Variants in USP1 observed in about 807,000 individuals in gnomAD.
USP1 encodes the protein ubiquitin carboxyl-terminal hydrolase 1.
USP1 carries 18 observed loss-of-function variants against 72.2 expected under a neutral mutation model. That is an observed-to-expected ratio of 0.25 (90% CI 0.17 to 0.37). USP1 has a LOEUF of 0.37. USP1 is among the 10% of genes least tolerant of loss of function. The probability of loss-of-function intolerance (pLI) is 1.00; values close to 1 mark genes in which losing one functional copy is unlikely to be tolerated. For missense variants in USP1, 759 were observed against 884.9 expected (o/e 0.86, Z 1.81); for synonymous variants, 354 against 303.7 (o/e 1.17, Z -1.72).
chr1:62,444,669 T>C, intron 5 of USP1, 69 bp from the exon 6 acceptor site: 1 of 1,187,388 alleles, frequency 8.4e-7, no homozygotes. Context: ...CATGAATTAA[T>C]TTCTATATAG....
Position 62,439,799 on chromosome 1 carries a change from A to G in USP1, c.-69A>G, listed in dbSNP as rs566086168. The G allele has an allele frequency of 1.0e-5, 13 of 1,257,192 alleles. No homozygotes were observed. In the Admixed American group the frequency reaches 1.9e-4, roughly 18 times the overall value. The allele number at this position is 1,257,192 out of a possible 1,614,324, so 77.9% of individuals were successfully genotyped here. On this transcript the variant is annotated splice_region_variant and 5_prime_UTR_variant, in exon 2 of 9. Coordinates refer to ENST00000339950, the MANE Select transcript of USP1 (RefSeq NM_003368.5). ...ATGAAACTTTCTCTGTGATTAACAGATATAATTGGTGATTACAACTTTCCT... is the reference window on the plus strand; with the variant it reads ...ATGAAACTTTCTCTGTGATTAACAGGTATAATTGGTGATTACAACTTTCCT...
chr1:62,450,490 A>G lies in USP1; in HGVS notation c.1867A>G (p.Lys623Glu). The G allele has an allele frequency of 6.2e-7, 1 of 1,614,158 alleles. No homozygotes were observed. Among genetic ancestry groups the G allele is most frequent in the South Asian group, 1.1e-5 (1 of 91,082 alleles). ...FVVDQMCEIGKPEPLNEEEAR... is the reference protein window; with the variant it reads ...FVVDQMCEIGEPEPLNEEEAR... ...GGTTGACCAAATGTGTGAAATAGGT[A>G]AGCCAGAACCATTGAATGAGGAGGA... Residue 623 changes from lysine to glutamate, a missense_variant, in exon 9 of 9, where the codon AAG becomes GAG. Lys to Glu is a moderately conservative substitution (Grantham distance 56, BLOSUM62 1). Transcript: ENST00000339950.
In USP1 at chr1:62,446,497, G is replaced by A. The variant is rs550229282; in HGVS notation, c.1250-844G>A. On this transcript the variant is annotated intron_variant, in intron 6 of 8. Transcript: ENST00000339950. ...ATACTGTAGGCAACTGTAGCACAAT[G>A]GTATTTGTGTATCTAAGACGTATCT... Among the ~76,000 whole-genome samples, 9 of 152,298 alleles carry A rather than the reference G, an allele frequency of 5.9e-5. No individual in the cohort carries two copies. In the South Asian group the frequency reaches 1.9e-3, roughly 32 times the overall value.
intron 6 of USP1, among the ~76,000 whole-genome samples, chr1:62,445,697 G>A (rs1420521612): frequency 1.3e-5 from 2 of 151,890 alleles, no homozygotes; most frequent in Non-Finnish European, 2.9e-5. Flanking sequence ...AGGGAAGTTC[G>A]GCCAGGTATG....
chr1:62,447,220 G>A (rs1645181798), intron 6 of USP1, 121 bp from the exon 7 acceptor site: 1 of 970,784 alleles, frequency 1.0e-6, no homozygotes, highest in South Asian at 1.8e-5. Flanking sequence ...ATGCTAATAA[G>A]CTGATCTATG....
At position 62,445,301 on chromosome 1, in the gene USP1, A is replaced by G. The variant is rs759830089; in HGVS notation, c.1121A>G (p.Asn374Ser). Residue 374 changes from asparagine to serine, a missense_variant, in exon 6 of 9, where the codon AAT (asparagine) becomes AGT (serine). By Grantham distance (46) the Asn-to-Ser change is conservative. Coordinates refer to ENST00000339950, the MANE Select transcript of USP1 (RefSeq NM_003368.5). ...GGAGTCAAAGGACAATCTAAAGAAA[A>G]TGAATGTGATCCTGAAGAGGACTTG... ...NQGVKGQSKENECDPEEDLGK... is the reference protein window; with the variant it reads ...NQGVKGQSKESECDPEEDLGK... The G allele has an allele frequency of 1.2e-6, 2 of 1,613,714 alleles. No individual in the cohort carries two copies. Among genetic ancestry groups the G allele is most frequent in the South Asian group, 1.1e-5 (1 of 90,884 alleles).
At position 62,438,109 on chromosome 1, in the gene USP1, T is replaced by G. The variant is rs186692608; in HGVS notation, c.-70+709T>G. 7.4e-4 allele frequency among the ~76,000 whole-genome samples: 113 copies of G among 152,262 alleles called. 1 individual carries two copies. The East Asian group carries it at 0.02, about 27-fold the overall frequency. On this transcript the variant is annotated intron_variant, in intron 1 of 8. Transcript: ENST00000339950. ...ATACTGCACCTGGCAAAATGTTACA[T>G]TCTCGGTGTGAGCTTTGCTTTGAGG... is the stretch of plus-strand genomic sequence containing the variant.
chr1:62,440,168 A>G (rs1313084672), intron 2 of USP1, 131 bp downstream of exon 2: 1 of 749,178 alleles, frequency 1.3e-6, no homozygotes, highest in African/African-American at 1.8e-5. Flanking sequence ...TTCTTAGTCA[A>G]ATCTAGCAGT....
Position 62,450,986 on chromosome 1 carries a change from AGT to A in USP1, c.*8_*9del, listed in dbSNP as rs771014890. ...CTATTTTATAAGAAATTATAGAGTG[AGT>A]GTATTTTCCTTGTGTATATATTAAA... is the stretch of plus-strand genomic sequence containing the variant. On this transcript the variant is annotated 3_prime_UTR_variant, in exon 9 of 9. Coordinates refer to ENST00000339950, the MANE Select transcript of USP1 (RefSeq NM_003368.5). 8 of 1,572,492 alleles carry A rather than the reference AGT, an allele frequency of 5.1e-6. No individual in the cohort carries two copies. The African/African-American group carries it at 6.8e-5, about 13-fold the overall frequency.
chr1:62,446,375 GTTTTAAGAA>G (rs1278655261), intron 6 of USP1, among the ~76,000 whole-genome samples: 1 of 152,042 alleles, frequency 6.6e-6, no homozygotes, highest in Non-Finnish European at 1.5e-5. Flanking sequence ...GTCTCATAAT[GTTTTAAGAA>G]AGTTTATGAA....
chr1:62,443,645 C>T (rs1342400069), intron 5 of USP1, among the ~76,000 whole-genome samples: 2 of 152,150 alleles, frequency 1.3e-5, no homozygotes, highest in Non-Finnish European at 2.9e-5. Flanking sequence ...AAATATTTTA[C>T]TTATATGCCA....
upstream of USP1, chr1:62,436,456 G>C (rs1248322331): frequency 6.6e-6 from 1 of 152,268 alleles, no homozygotes; most frequent in Non-Finnish European, 1.5e-5. Context: ...CACCGCGCCT[G>C]AGGAACACTC....
rs1372430671 is a variant in USP1 at position 62,451,455 on chromosome 1, C to T, written c.*474C>T. 6.5e-6 allele frequency: 1 copy of T among 153,570 alleles called. No individual in the cohort carries two copies. Among genetic ancestry groups the T allele is most frequent in the Non-Finnish European group, 1.5e-5 (1 of 68,824 alleles). 9.5% of individuals were successfully genotyped at this position (153,570 alleles called of 1,614,324 possible). A position where few individuals can be genotyped will look rare whatever the true frequency, so the allele number is the denominator to read the frequency against. On this transcript the variant is annotated 3_prime_UTR_variant, in exon 9 of 9. Transcript: ENST00000339950. ...TTGGGCTATGTCAGAGGCACAAAGTCTAGAATGTGTGTATTCACAATGGTG... is the reference window on the plus strand; with the variant it reads ...TTGGGCTATGTCAGAGGCACAAAGTTTAGAATGTGTGTATTCACAATGGTG...
In USP1 at chr1:62,441,734, C is replaced by T. The variant is rs537767279; in HGVS notation, c.291+126C>T. The T allele has an allele frequency of 8.3e-6, 9 of 1,087,964 alleles. No individual in the cohort carries two copies. The South Asian group carries it at 1.2e-4, about 14-fold the overall frequency. The allele number at this position is 1,087,964 out of a possible 1,614,324, so 67.4% of individuals were successfully genotyped here. ...TCTTTGCCTTTGATTGTTAATAAACCAGAATAGGCTAAAATAATAAGTTAC... is the reference window on the plus strand; with the variant it reads ...TCTTTGCCTTTGATTGTTAATAAACTAGAATAGGCTAAAATAATAAGTTAC... On this transcript the variant is annotated intron_variant, in intron 3 of 8. Transcript: ENST00000339950.
intron 6 of USP1, among the ~76,000 whole-genome samples, chr1:62,446,823 ATT>A (rs773580622): frequency 2.6e-5 from 4 of 151,030 alleles, no homozygotes; most frequent in African/African-American, 4.9e-5. Flanking sequence ...TATTTTTTTT[ATT>A]TTTTTGGAGA....
chr1:62,442,114 A>G (rs569151367), intron 3 of USP1, 81 bp from the exon 4 acceptor site: 110 of 991,806 alleles, frequency 1.1e-4, no homozygotes, highest in Non-Finnish European at 1.5e-4. Flanking sequence ...AAAGTGCTCT[A>G]TAGAAAGCAT....
intron 6 of USP1, 36 bp downstream of exon 6, chr1:62,445,465 A>G (rs546344227): frequency 6.8e-7 from 1 of 1,462,988 alleles, no homozygotes; most frequent in East Asian, 2.3e-5. Flanking sequence ...AGGTAGAAGC[A>G]TTAGCAGCTA....
intron 8 of USP1, among the ~76,000 whole-genome samples, chr1:62,449,075 G>C: frequency 6.6e-6 from 1 of 152,058 alleles, no homozygotes; most frequent in Admixed American, 6.6e-5. Flanking sequence ...GTAGAGACAG[G>C]ATTTCACCAT....
chr1:62,444,104 C>A (rs566009316), intron 5 of USP1, among the ~76,000 whole-genome samples: 13 of 151,874 alleles, frequency 8.6e-5, no homozygotes, highest in South Asian at 6.3e-4. Flanking sequence ...ACTAAAAATA[C>A]AAAAATTAGC....
Sources: allele counts gnomAD v4.1 joint callset (sites outside exome capture counted in the v4.1 genomes callset), GRCh38; gene constraint gnomAD v4.1.1; transcripts MANE v1.5; gene names NCBI Gene and HGNC (gene_info 2026-07-23, HGNC 2026-07-21).